The following MTA1 variants were observed in gnomAD, a reference collection of about 807,000 sequenced individuals.
MTA1 encodes metastasis associated 1.
Under a neutral mutation model 97.0 loss-of-function variants are expected in MTA1, and 15 were observed. The observed-to-expected ratio is 0.15, with a 90% CI of 0.10 to 0.24. MTA1 has a LOEUF of 0.24. Ranked by LOEUF, MTA1 falls within the 10% of genes least tolerant of loss-of-function variation. The pLI is 1.00. For missense variants in MTA1, 709 were observed against 1,015.1 expected, an observed-to-expected ratio of 0.70 and a Z score of 4.10; for synonymous variants, 435 against 417.5, an observed-to-expected ratio of 1.04 and a Z score of -0.51.
intron 8 of MTA1, 57 bp downstream of exon 8, chr14:105,458,429 C>A: frequency 1.3e-6 from 2 of 1,502,052 alleles, no homozygotes; most frequent in Non-Finnish European, 1.8e-6. Flanking sequence ...TTCTGTTCTC[C>A]CTTCCCTGTG....
chr14:105,463,084 G>A lies in MTA1; in HGVS notation c.943-100G>A, dbSNP rs1467727791. On this transcript the variant is annotated intron_variant, in intron 10 of 20. Coordinates refer to ENST00000331320, the MANE Select transcript of MTA1 (RefSeq NM_004689.4). The surrounding 1 kb of genome is among the most constrained non-coding windows in gnomAD (Gnocchi z 5.9). The stretch of plus-strand genomic sequence containing the variant: ...AGCACACCTCGCCCTCTGGCCTCCC[G>A]CCCCCTCTGTGGCCTTCTGGCCGCA... The A allele has an allele frequency of 4.2e-6, 5 of 1,200,172 alleles. No individual in the cohort carries two copies. Among genetic ancestry groups the A allele is most frequent in the African/African-American group, 3.0e-5 (2 of 66,484 alleles). The allele number at this position is 1,200,172 out of a possible 1,614,324, so 74.3% of individuals were successfully genotyped here.
At chr14:105,458,572 A>C (rs1472355814) in intron 8 of MTA1, among the ~76,000 whole-genome samples, 200 bp downstream of exon 8, 1 of 152,064 alleles carries the variant, frequency 6.6e-6, no homozygotes, top group Non-Finnish European at 1.5e-5. Flanking sequence ...CATTAAATAG[A>C]AGGGCGGCCC....
chr14:105,454,399 C>T (rs2083063124), intron 7 of MTA1, 89 bp downstream of exon 7: 6 of 926,358 alleles, frequency 6.5e-6, no homozygotes, highest in Admixed American at 1.8e-5. Flanking sequence ...GGGACATGGC[C>T]GTGTCAGTGA....
intron 15 of MTA1, 106 bp downstream of exon 15, chr14:105,464,969 G>A (rs2083508163): frequency 7.0e-7 from 1 of 1,431,536 alleles, no homozygotes; most frequent in Non-Finnish European, 9.2e-7. Context: ...TGATCTCAGG[G>A]AGCCCCACGT....
intron 6 of MTA1, among the ~76,000 whole-genome samples, chr14:105,452,909 A>G (rs1424583166): frequency 2.0e-5 from 3 of 152,334 alleles, no homozygotes; most frequent in African/African-American, 4.8e-5. Flanking sequence ...GGAAAAGACG[A>G]CCCACAGGAA....
At chr14:105,426,375 C>CCA (rs1555422287) in intron 1 of MTA1, among the ~76,000 whole-genome samples, 27 of 104,070 alleles carry the variant, frequency 2.6e-4, no homozygotes, top group African/African-American at 1.1e-3. Context: ...CTTCGTCTCA[C>CCA]AAAAAAAAAA....
chr14:105,423,193 T>C (rs1595245729), intron 1 of MTA1, among the ~76,000 whole-genome samples: 1 of 151,724 alleles, frequency 6.6e-6, no homozygotes, highest in Non-Finnish European at 1.5e-5. Flanking sequence ...TAACACCCCA[T>C]CTTTTGGATT....
chr14:105,464,902 G>T (rs2083504984), intron 15 of MTA1, 39 bp downstream of exon 15: 1 of 1,523,106 alleles, frequency 6.6e-7, no homozygotes, highest in Non-Finnish European at 8.8e-7. Flanking sequence ...TGTTCCTGCG[G>T]GTGGTGGGGA....
chr14:105,425,853 C>A (rs1555422130), intron 1 of MTA1, among the ~76,000 whole-genome samples: 1 of 151,854 alleles, frequency 6.6e-6, no homozygotes, highest in African/African-American at 2.4e-5. Context: ...GCCCCCGGCA[C>A]CCCCGAGCCC....
chr14:105,453,916 T>C (rs1413858566), intron 6 of MTA1, among the ~76,000 whole-genome samples: 5 of 152,224 alleles, frequency 3.3e-5, no homozygotes, highest in Admixed American at 2.6e-4. Flanking sequence ...CAGCTGCTCA[T>C]TGGCCCTGCC....
At chr14:105,466,631 G>T in intron 17 of MTA1, 53 bp downstream of exon 17, 1 of 1,574,040 alleles carries the variant, frequency 6.4e-7, no homozygotes, top group Non-Finnish European at 8.6e-7. Context: ...GGTGAGTCCG[G>T]CCCGTCCCCG....
chr14:105,422,096 C>T lies in MTA1; in HGVS notation c.28+2033C>T, dbSNP rs187913815. On this transcript the variant is annotated intron_variant, in intron 1 of 20. Coordinates refer to ENST00000331320, the MANE Select transcript of MTA1 (RefSeq NM_004689.4). This position sits in a 1 kb window ranked among gnomAD's most constrained non-coding sequence, Gnocchi z 4.3. ...GTGTGCAGTCCGTGGTCACTGTGGC[C>T]GGGTGTGCTCGGAGCTGTCAGGCCC... is the stretch of plus-strand genomic sequence containing the variant. Among the ~76,000 whole-genome samples the T allele has an allele frequency of 3.9e-5, 6 of 152,310 alleles. No homozygotes were observed. The highest frequency in any genetic ancestry group is 3.9e-4 in the East Asian group (2 of 5,180).
intron 2 of MTA1, 31 bp downstream of exon 2, chr14:105,438,770 G>A: frequency 2.5e-6 from 4 of 1,608,816 alleles, no homozygotes; most frequent in Non-Finnish European, 3.4e-6. Flanking sequence ...TGCTGCAGGG[G>A]GGTAGTGGGT....
intron 3 of MTA1, among the ~76,000 whole-genome samples, chr14:105,446,899 G>A (rs1259401218): frequency 6.6e-6 from 1 of 152,194 alleles, no homozygotes; most frequent in Non-Finnish European, 1.5e-5. Flanking sequence ...CTAGCTCTCT[G>A]CTCAGAGGAG....
chr14:105,449,757 T>C (rs2082850748), intron 4 of MTA1, among the ~76,000 whole-genome samples: 1 of 152,192 alleles, frequency 6.6e-6, no homozygotes, highest in African/African-American at 2.4e-5. Context: ...CTGCTGCTTC[T>C]GGGGCTGGCC....
chr14:105,423,407 G>T (rs1000681975), intron 1 of MTA1, among the ~76,000 whole-genome samples: 3 of 151,898 alleles, frequency 2.0e-5, no homozygotes, highest in Admixed American at 2.0e-4. Flanking sequence ...AGTAGAGACG[G>T]CGTTTCTCCA....
At chr14:105,468,112 G>A in intron 18 of MTA1, 1 of 364,566 alleles carries the variant, frequency 2.7e-6, no homozygotes, top group South Asian at 2.0e-5. Context: ...GCTCCCGGGG[G>A]CACTGGCGCA....
intron 19 of MTA1, 91 bp downstream of exon 19, chr14:105,469,589 CCA>C: frequency 6.8e-7 from 1 of 1,470,818 alleles, no homozygotes; most frequent in Non-Finnish European, 9.4e-7. Flanking sequence ...CTGCCAGGTG[CCA>C]CGTGGAAGCT....
chr14:105,451,393 C>T (rs1436099279), intron 6 of MTA1, among the ~76,000 whole-genome samples: 7 of 152,242 alleles, frequency 4.6e-5, no homozygotes, highest in Non-Finnish European at 7.3e-5. Flanking sequence ...GGCCTGGGGT[C>T]GTAACACATG....
Sources: allele counts gnomAD v4.1 joint callset (sites outside exome capture counted in the v4.1 genomes callset), GRCh38; gene constraint gnomAD v4.1.1; non-coding constraint Gnocchi (gnomAD v3.1); transcripts MANE v1.5; gene names NCBI Gene and HGNC (gene_info 2026-07-23, HGNC 2026-07-21).